Variants in ARHGAP26 observed in about 807,000 individuals in gnomAD.
ARHGAP26 encodes the protein Rho GTPase activating protein 26.
Under a neutral mutation model 104.8 loss-of-function variants are expected in ARHGAP26, and 38 were observed. That is an observed-to-expected ratio of 0.36 (90% CI 0.28 to 0.48). The LOEUF (loss-of-function observed/expected upper bound fraction) is 0.48, where lower values mean the gene tolerates loss of function less well. Among genes scored for constraint, ARHGAP26 ranks in the 20% least tolerant of loss-of-function variants. ARHGAP26 has a pLI of 0.99. For synonymous variants in ARHGAP26, 341 were observed against 340.0 expected, an observed-to-expected ratio of 1.00 and a Z score of -0.03; for missense variants, 704 against 947.9, an observed-to-expected ratio of 0.74 and a Z score of 3.38.
intron 20 of ARHGAP26, among the ~76,000 whole-genome samples, chr5:143,197,290 A>G (rs1807024593): frequency 6.6e-6 from 1 of 152,180 alleles, no homozygotes; most frequent in Admixed American, 6.5e-5. Context: ...AGATAATGCT[A>G]CACTATTTTT....
chr5:142,945,978 A>T (rs2152567965), intron 11 of ARHGAP26, among the ~76,000 whole-genome samples: 1 of 152,332 alleles, frequency 6.6e-6, no homozygotes, highest in East Asian at 1.9e-4. Flanking sequence ...TTTTTAAAGG[A>T]ACATCACCAC....
At chr5:143,177,708 T>C (rs1288614795) in intron 20 of ARHGAP26, among the ~76,000 whole-genome samples, 1 of 152,218 alleles carries the variant, frequency 6.6e-6, no homozygotes, top group Non-Finnish European at 1.5e-5. Context: ...TTTCATTTGA[T>C]TTTGGCACTA....
At chr5:143,114,183 A>T (rs1414779447) in intron 17 of ARHGAP26, among the ~76,000 whole-genome samples, 1 of 152,176 alleles carries the variant, frequency 6.6e-6, no homozygotes, top group Middle Eastern at 3.2e-3. Context: ...TCCCAGGAAG[A>T]TGTTAAATGT....
intron 5 of ARHGAP26, among the ~76,000 whole-genome samples, chr5:142,889,016 C>G (rs564379570): frequency 6.6e-6 from 1 of 152,238 alleles, no homozygotes; most frequent in African/African-American, 2.4e-5. Flanking sequence ...GCAGGGGGCC[C>G]AAGGATGTGA....
chr5:143,056,156 C>T, intron 16 of ARHGAP26, 70 bp downstream of exon 16: 2 of 1,336,586 alleles, frequency 1.5e-6, no homozygotes, highest in Non-Finnish European at 2.1e-6. Context: ...GAGTCAGTAT[C>T]CCAAAATAAA....
intron 10 of ARHGAP26, among the ~76,000 whole-genome samples, chr5:142,924,212 C>T (rs1763597007): frequency 6.6e-6 from 1 of 152,086 alleles, no homozygotes; most frequent in East Asian, 1.9e-4. Context: ...CTTCCTCCCT[C>T]CCTCCTCTTT....
intron 19 of ARHGAP26, 87 bp from the exon 20 acceptor site, chr5:143,147,144 T>G (rs1221133482): frequency 7.0e-7 from 1 of 1,432,242 alleles, no homozygotes; most frequent in Non-Finnish European, 9.6e-7. Flanking sequence ...TGATCCAGTC[T>G]TATTCTTTAT....
intron 17 of ARHGAP26, among the ~76,000 whole-genome samples, chr5:143,093,388 T>C (rs1384990786): frequency 3.3e-5 from 5 of 152,186 alleles, no homozygotes; most frequent in African/African-American, 9.7e-5. Flanking sequence ...CAAGGTGGTA[T>C]TGGAGTGTTA....
At chr5:142,905,431 G>C (rs931352359) in intron 8 of ARHGAP26, among the ~76,000 whole-genome samples, 3 of 151,844 alleles carry the variant, frequency 2.0e-5, no homozygotes, top group Non-Finnish European at 4.4e-5. Flanking sequence ...TTGTTATTTT[G>C]AAATAATTTC....
intron 1 of ARHGAP26, among the ~76,000 whole-genome samples, chr5:142,831,074 C>T (rs1387217886): frequency 6.6e-6 from 1 of 152,194 alleles, no homozygotes. Flanking sequence ...AAATTCCGAT[C>T]ACAATGCCTG....
rs1405625298 is a variant in ARHGAP26 at position 143,138,940 on chromosome 5, C to T, written c.1837+4835C>T. Among the ~76,000 whole-genome samples, 7 of 152,282 alleles carry T rather than the reference C, an allele frequency of 4.6e-5. No homozygotes were observed. In the South Asian group the frequency reaches 1.4e-3, roughly 32 times the overall value. On this transcript the variant is annotated intron_variant, in intron 19 of 22. Transcript: ENST00000645722. ...TTCTACCTCAAAGTGACACTGTTAA[C>T]CAGTCGTTATTTTGCTTTCAAATTG...
At chr5:143,145,658 T>G (rs1162378255) in intron 19 of ARHGAP26, among the ~76,000 whole-genome samples, 4 of 152,232 alleles carry the variant, frequency 2.6e-5, no homozygotes, top group Admixed American at 2.0e-4. Flanking sequence ...TTCTCTTTGT[T>G]GTCGTTTCTG....
intron 9 of ARHGAP26, among the ~76,000 whole-genome samples, chr5:142,909,076 G>T (rs865774843): frequency 1.6e-4 from 25 of 151,806 alleles, no homozygotes; most frequent in African/African-American, 5.6e-4. Context: ...TTGAGATTTG[G>T]TCTCTTCCAA....
chr5:143,017,866 A>G (rs1779802833), intron 12 of ARHGAP26, among the ~76,000 whole-genome samples: 1 of 152,184 alleles, frequency 6.6e-6, no homozygotes, highest in African/African-American at 2.4e-5. Context: ...TTCCTCTGGG[A>G]TACACCCACC....
intron 12 of ARHGAP26, among the ~76,000 whole-genome samples, chr5:143,027,620 A>G (rs1186486808): frequency 1.3e-5 from 2 of 152,190 alleles, no homozygotes; most frequent in Non-Finnish European, 2.9e-5. Flanking sequence ...GTAGATTTCT[A>G]ATATTCATTA....
At chr5:142,830,936 A>G (rs1227989966) in intron 1 of ARHGAP26, among the ~76,000 whole-genome samples, 2 of 152,216 alleles carry the variant, frequency 1.3e-5, no homozygotes, top group East Asian at 3.8e-4. Context: ...TTTTTCAGAC[A>G]GGCAAATATG....
chr5:142,842,249 C>G (rs574221694), intron 1 of ARHGAP26, among the ~76,000 whole-genome samples: 1 of 152,124 alleles, frequency 6.6e-6, no homozygotes, highest in Admixed American at 6.5e-5. Flanking sequence ...TCTTTAGATC[C>G]TCCACCAACA....
At chr5:142,951,298 G>T (rs1768345702) in intron 11 of ARHGAP26, among the ~76,000 whole-genome samples, 1 of 152,176 alleles carries the variant, frequency 6.6e-6, no homozygotes, top group Non-Finnish European at 1.5e-5. Flanking sequence ...GACCTCAAGT[G>T]ATCCGCCCGC....
chr5:142,881,192 G>A (rs1358066464), intron 4 of ARHGAP26, among the ~76,000 whole-genome samples: 7 of 152,328 alleles, frequency 4.6e-5, no homozygotes, highest in South Asian at 4.1e-4. Flanking sequence ...AGTGGCTTCC[G>A]GGGGTTATGC....
Sources: gnomAD v4.1 joint callset for allele counts (sites outside exome capture counted in the v4.1 genomes callset) on GRCh38, gnomAD v4.1.1 for gene constraint, MANE v1.5 for transcripts, NCBI Gene and HGNC (gene_info 2026-07-23, HGNC 2026-07-21) for gene names.